The following ZNF236 variants were observed in gnomAD, a reference collection of about 807,000 sequenced individuals.
ZNF236 encodes the protein regulated by glucose.
ZNF236 carries 50 observed loss-of-function variants against 191.2 expected under a neutral mutation model. That is an observed-to-expected ratio of 0.26 (90% confidence interval 0.21 to 0.33). The LOEUF (loss-of-function observed/expected upper bound fraction) is 0.33. Among genes scored for constraint, ZNF236 ranks in the 10% least tolerant of loss-of-function variants. The pLI is 1.00. For missense variants in ZNF236, 1,754 were observed against 2,374.5 expected (o/e 0.74, Z 5.43); for synonymous variants, 907 against 928.8 (o/e 0.98, Z 0.43).
chr18:76,848,149 TG>T (rs760803955), intron 1 of ZNF236, among the ~76,000 whole-genome samples: 6 of 152,196 alleles, frequency 3.9e-5, no homozygotes, highest in South Asian at 4.1e-4. Context: ...AGGAGACTTT[TG>T]GCAGAAATGG....
chr18:76,913,722 T>C lies in ZNF236; in HGVS notation c.2910-25T>C. On this transcript the variant is annotated intron_variant, in intron 17 of 30. Transcript: ENST00000320610. ...AATTGTGCTATGAATTAACGTGGTC[T>C]GAGTTCTGTATGTTTGCTTTGTAGG... The C allele has an allele frequency of 2.5e-6, 4 of 1,609,604 alleles. No individual in the cohort carries two copies. The East Asian group carries it at 8.9e-5, about 36-fold the overall frequency.
rs577610394 is a variant in ZNF236 at position 76,897,648 on chromosome 18, G to A, written c.1691-1371G>A. Among the ~76,000 whole-genome samples the A allele has an allele frequency of 4.6e-5, 7 of 151,798 alleles. No individual in the cohort carries two copies. The South Asian group carries it at 1.5e-3, about 32-fold the overall frequency. ...AGTACCAAACACAGTACTGTACATA[G>A]GCACTGCCCATAGTACCAAACACAG... On this transcript the variant is annotated intron_variant, in intron 10 of 30. Transcript: ENST00000320610.
At chr18:76,855,620 T>C (rs576402079) in intron 3 of ZNF236, among the ~76,000 whole-genome samples, 1 of 152,380 alleles carries the variant, frequency 6.6e-6, no homozygotes, top group African/African-American at 2.4e-5. Context: ...AAGTCACTGC[T>C]GTTAGGCATA....
chr18:76,923,231 T>G (rs1227995996), intron 21 of ZNF236, 57 bp downstream of exon 21: 9 of 1,201,380 alleles, frequency 7.5e-6, no homozygotes, highest in Admixed American at 5.3e-5. Context: ...TTTCGTATGT[T>G]TTGTTCCTAT....
At chr18:76,951,604 A>G (rs985124427) in intron 27 of ZNF236, among the ~76,000 whole-genome samples, 7 of 152,242 alleles carry the variant, frequency 4.6e-5, no homozygotes, top group Admixed American at 4.6e-4. Context: ...TGTCTAGGCC[A>G]TTAAAACTTT....
At chr18:76,921,167 A>G (rs1391369425) in intron 20 of ZNF236, among the ~76,000 whole-genome samples, 2 of 152,208 alleles carry the variant, frequency 1.3e-5, no homozygotes, top group East Asian at 1.9e-4. Flanking sequence ...TAGTGAGCAC[A>G]CACCTTGACT....
At chr18:76,861,241 A>G (rs1976212472) in intron 3 of ZNF236, among the ~76,000 whole-genome samples, 1 of 152,218 alleles carries the variant, frequency 6.6e-6, no homozygotes, top group Non-Finnish European at 1.5e-5. Flanking sequence ...TATGTGGTAC[A>G]GAGCTGGTAG....
chr18:76,930,579 G>A (rs1176409338), intron 25 of ZNF236, among the ~76,000 whole-genome samples: 2 of 152,182 alleles, frequency 1.3e-5, no homozygotes, highest in Admixed American at 1.3e-4. Flanking sequence ...ATGTATTGCA[G>A]GCATGTTAGT....
rs1967734738 is a variant in ZNF236 at position 76,927,445 on chromosome 18, A to G, written c.4342A>G (p.Thr1448Ala). 2 of 1,614,086 alleles carry G rather than the reference A, an allele frequency of 1.2e-6. No homozygotes were observed. The highest frequency in any genetic ancestry group is 1.7e-6 in the Non-Finnish European group (2 of 1,180,052). ...CATCTCAGGCCTGTCCTTACAGCCCACAGTGACCTCTGCGAACCTGACCAT... is the reference window on the plus strand; with the variant it reads ...CATCTCAGGCCTGTCCTTACAGCCCGCAGTGACCTCTGCGAACCTGACCAT... ...QPISGLSLQP[T>A]VTSANLTIGP... Residue 1448 changes from threonine (T) to alanine (A), a missense_variant, in exon 24 of 31, where the codon ACA (threonine) becomes GCA (alanine). Around this residue, in one of 5 missense-constraint regions of ZNF236, gnomAD observed 606 missense variants for 761.5 expected, o/e 0.80. Coordinates refer to ENST00000320610, the MANE Select transcript of ZNF236 (RefSeq NM_001306089.2). This position sits in a 1 kb window ranked among gnomAD's most constrained non-coding sequence, Gnocchi z 5.4.
chr18:76,857,942 T>C (rs1477482615), intron 3 of ZNF236, among the ~76,000 whole-genome samples: 1 of 152,246 alleles, frequency 6.6e-6, no homozygotes, highest in Non-Finnish European at 1.5e-5. Flanking sequence ...GATGTTTGGT[T>C]ACTATGGATT....
chr18:76,906,544 T>C (rs962581456), intron 13 of ZNF236, among the ~76,000 whole-genome samples: 1 of 152,192 alleles, frequency 6.6e-6, no homozygotes, highest in African/African-American at 2.4e-5. Context: ...GGCGCTTGCT[T>C]GCTCAGTGGA....
chr18:76,908,919 T>C (rs1312549507), intron 14 of ZNF236, among the ~76,000 whole-genome samples: 3 of 152,020 alleles, frequency 2.0e-5, no homozygotes, highest in African/African-American at 7.3e-5. Context: ...TGCTACCAAT[T>C]TTTTTCCATA....
At chr18:76,939,066 G>A (rs1968068681) in intron 26 of ZNF236, among the ~76,000 whole-genome samples, 1 of 152,160 alleles carries the variant, frequency 6.6e-6, no homozygotes, top group African/African-American at 2.4e-5. Context: ...CTGGCTGGGC[G>A]TGGTGGCTCA....
intron 2 of ZNF236, among the ~76,000 whole-genome samples, 165 bp downstream of exon 2, chr18:76,849,833 C>G (rs1413277977): frequency 6.6e-6 from 1 of 152,088 alleles, no homozygotes; most frequent in Non-Finnish European, 1.5e-5. Flanking sequence ...TAGTTGTATT[C>G]CTAGCTATTA....
chr18:76,887,567 TATA>T (rs1319929145), intron 9 of ZNF236: 1 of 152,142 alleles, frequency 6.6e-6, no homozygotes, highest in Non-Finnish European at 1.5e-5. Context: ...TTCTCATGCT[TATA>T]ATAATGACAT....
intron 25 of ZNF236, chr18:76,935,937 G>A (rs1440195009): frequency 2.0e-5 from 9 of 455,786 alleles, no homozygotes; most frequent in East Asian, 6.9e-5. Flanking sequence ...CTGCTTCAGC[G>A]CTCGAGCCTC....
At chr18:76,952,998 C>G (rs889730356) in intron 27 of ZNF236, among the ~76,000 whole-genome samples, 3 of 152,190 alleles carry the variant, frequency 2.0e-5, no homozygotes, top group Admixed American at 2.0e-4. Flanking sequence ...GCTCACTTCG[C>G]TCTCTGGTGA....
chr18:76,868,847 A>G lies in ZNF236; in HGVS notation c.526A>G (p.Thr176Ala). ...CTCGGAGCTGAAGGAACACATGAAGACTCATTACAAAATTAGGTATGAGTC... is the reference window on the plus strand; with the variant it reads ...CTCGGAGCTGAAGGAACACATGAAGGCTCATTACAAAATTAGGTATGAGTC... Reference protein sequence around the residue: ...TSSELKEHMKTHYKIRVSSTR... With the variant: ...TSSELKEHMKAHYKIRVSSTR... Residue 176 changes from threonine (T) to alanine (A), a missense_variant, in exon 4 of 31, where the codon ACT becomes GCT. Coordinates refer to ENST00000320610, the MANE Select transcript of ZNF236 (RefSeq NM_001306089.2). 6.2e-7 allele frequency: 1 copy of G among 1,606,398 alleles called. No individual in the cohort carries two copies. The highest frequency in any genetic ancestry group is 8.5e-7 in the Non-Finnish European group (1 of 1,177,132).
At chr18:76,952,645 T>C (rs998511002) in intron 27 of ZNF236, among the ~76,000 whole-genome samples, 3 of 152,112 alleles carry the variant, frequency 2.0e-5, no homozygotes, top group Admixed American at 6.5e-5. Flanking sequence ...TGATGGCCTG[T>C]TTTTAAGACA....
Sources: gnomAD v4.1 joint callset for allele counts (sites outside exome capture counted in the v4.1 genomes callset) on GRCh38, gnomAD v4.1.1 for gene constraint, gnomAD v4.1.1 regional missense constraint, Gnocchi (gnomAD v3.1) non-coding constraint, MANE v1.5 for transcripts, NCBI Gene and HGNC (gene_info 2026-07-23, HGNC 2026-07-21) for gene names.